The following CNTNAP2 variants were observed in gnomAD, a reference collection of about 807,000 sequenced individuals.
CNTNAP2 encodes the protein contactin-associated protein-like 2.
Under a neutral mutation model 155.2 loss-of-function variants are expected in CNTNAP2, and 98 were observed. That is an observed-to-expected ratio of 0.63 (90% CI 0.54 to 0.75). CNTNAP2 has a LOEUF of 0.75. Ranked by LOEUF, CNTNAP2 falls within the 30% of genes least tolerant of loss-of-function variation. The pLI, the probability that CNTNAP2 is intolerant of heterozygous loss-of-function variation, is 0.00. For synonymous variants in CNTNAP2, 651 were observed against 631.2 expected (o/e 1.03, Z -0.47); for missense variants, 1,727 against 1,688.1 (o/e 1.02, Z -0.40).
intron 8 of CNTNAP2, among the ~76,000 whole-genome samples, chr7:147,184,083 T>G (rs1466357831): frequency 6.6e-6 from 1 of 152,194 alleles, no homozygotes; most frequent in East Asian, 1.9e-4. Flanking sequence ...AAAGAGTGAC[T>G]ATACTTCCCA....
intron 18 of CNTNAP2, among the ~76,000 whole-genome samples, chr7:148,188,738 T>C (rs1795159818): frequency 6.6e-6 from 1 of 152,248 alleles, no homozygotes; most frequent in Admixed American, 6.5e-5. Context: ...AATCAATTTA[T>C]ATTATTATAA....
At chr7:146,646,322 T>TTG (rs143987039) in intron 1 of CNTNAP2, among the ~76,000 whole-genome samples, 1 of 152,030 alleles carries the variant, frequency 6.6e-6, no homozygotes, top group Admixed American at 6.6e-5. Flanking sequence ...GCTCACTAGT[T>TTG]TGTGTGTGTG....
intron 10 of CNTNAP2, 79 bp from the exon 11 acceptor site, chr7:147,485,856 C>T (rs1012644946): frequency 4.4e-6 from 6 of 1,363,372 alleles, no homozygotes; most frequent in African/African-American, 1.4e-5. Flanking sequence ...TGATATATTG[C>T]CCAGACAGCT....
At chr7:146,301,033 A>G (rs1175145858) in intron 1 of CNTNAP2, among the ~76,000 whole-genome samples, 1 of 152,180 alleles carries the variant, frequency 6.6e-6, no homozygotes, top group African/African-American at 2.4e-5. Flanking sequence ...TTAAGGCAAC[A>G]AATACATTAA....
chr7:146,301,263 T>G lies in CNTNAP2; in HGVS notation c.97+184290T>G, dbSNP rs560240065. On this transcript the variant is annotated intron_variant, in intron 1 of 23. Coordinates refer to ENST00000361727, the MANE Select transcript of CNTNAP2 (RefSeq NM_014141.6). ...AATGGACTCAGGATTAATTTGAGAA[T>G]AGAAGAAAAGAAGACTATTCCATAA... Among the ~76,000 whole-genome samples, 307 of 152,268 alleles carry G rather than the reference T, an allele frequency of 2.0e-3. 3 individuals are homozygous for G. The highest frequency in any genetic ancestry group is 6.9e-3 in the African/African-American group (288 of 41,552).
intron 1 of CNTNAP2, among the ~76,000 whole-genome samples, chr7:146,136,469 G>T (rs1797798945): frequency 6.6e-6 from 1 of 152,132 alleles, no homozygotes; most frequent in Admixed American, 6.6e-5. Context: ...GCTGGTTGAG[G>T]TCGGGAAGTC....
At chr7:147,508,645 C>T (rs749110423) in intron 11 of CNTNAP2, among the ~76,000 whole-genome samples, 1 of 152,174 alleles carries the variant, frequency 6.6e-6, no homozygotes, top group Non-Finnish European at 1.5e-5. Context: ...CCCATAATCC[C>T]TGCATGTCAT....
chr7:147,028,503 C>T (rs935431464), intron 3 of CNTNAP2, among the ~76,000 whole-genome samples: 5 of 151,910 alleles, frequency 3.3e-5, no homozygotes, highest in African/African-American at 9.7e-5. Flanking sequence ...ACAGGGGCAC[C>T]GTAGAGGTAT....
At chr7:146,983,897 T>C (rs1283501413) in intron 3 of CNTNAP2, among the ~76,000 whole-genome samples, 1 of 152,242 alleles carries the variant, frequency 6.6e-6, no homozygotes, top group African/African-American at 2.4e-5. Context: ...ATGTTATAAA[T>C]ACCCATGGTG....
chr7:146,683,135 A>C (rs1455799508), intron 1 of CNTNAP2, among the ~76,000 whole-genome samples: 1 of 152,096 alleles, frequency 6.6e-6, no homozygotes, highest in East Asian at 1.9e-4. Context: ...CCAGGTTCAA[A>C]TGATTCTCTT....
Position 148,409,346 on chromosome 7 carries a change from A to T in CNTNAP2, c.3716-45A>T, listed in dbSNP as rs779395496. The T allele has an allele frequency of 2.8e-6, 4 of 1,419,312 alleles. No individual in the cohort carries two copies. In the South Asian group the frequency reaches 3.5e-5, roughly 12 times the overall value. The allele number at this position is 1,419,312 out of a possible 1,614,324, so 87.9% of individuals were successfully genotyped here. The stretch of plus-strand genomic sequence containing the variant: ...AATAGGTATCAAATTATTTGGGATC[A>T]ATAGTATACTTGACTCTGACACTTG... On this transcript the variant is annotated intron_variant, in intron 22 of 23. Coordinates refer to ENST00000361727, the MANE Select transcript of CNTNAP2 (RefSeq NM_014141.6).
At chr7:147,623,002 T>C (rs557112151) in intron 12 of CNTNAP2, among the ~76,000 whole-genome samples, 1 of 152,134 alleles carries the variant, frequency 6.6e-6, no homozygotes, top group South Asian at 2.1e-4. Flanking sequence ...TGCCAATAAA[T>C]TGGTAAATCT....
intron 14 of CNTNAP2, among the ~76,000 whole-genome samples, chr7:147,967,960 G>C (rs888263581): frequency 2.0e-5 from 3 of 152,076 alleles, no homozygotes; most frequent in Non-Finnish European, 2.9e-5. Context: ...TACAAGAAAG[G>C]CTTGTTGTTG....
intron 3 of CNTNAP2, among the ~76,000 whole-genome samples, chr7:146,929,406 C>T (rs550160906): frequency 1.3e-5 from 2 of 152,260 alleles, no homozygotes; most frequent in South Asian, 2.1e-4. Flanking sequence ...AACTAACAAA[C>T]ATAAAGGACA....
intron 11 of CNTNAP2, among the ~76,000 whole-genome samples, chr7:147,556,281 T>C (rs1030181315): frequency 7.9e-5 from 12 of 152,274 alleles, no homozygotes; most frequent in African/African-American, 2.4e-4. Context: ...AATAGAGTCA[T>C]CATTTTTATA....
intron 13 of CNTNAP2, among the ~76,000 whole-genome samples, chr7:147,755,364 G>C (rs2049468): frequency 2.0e-5 from 3 of 152,004 alleles, no homozygotes. Flanking sequence ...ATCCACCAGC[G>C]TTAATAGCAG....
intron 14 of CNTNAP2, among the ~76,000 whole-genome samples, chr7:147,926,096 CAG>C (rs1191698588): frequency 6.6e-6 from 1 of 152,124 alleles, no homozygotes; most frequent in African/African-American, 2.4e-5. Flanking sequence ...TTGTTTAAAT[CAG>C]ATGTAAATGA....
chr7:146,857,110 G>A (rs1012747286), intron 3 of CNTNAP2, among the ~76,000 whole-genome samples: 1 of 152,030 alleles, frequency 6.6e-6, no homozygotes, highest in African/African-American at 2.4e-5. Flanking sequence ...TGTATGAAAT[G>A]TACACTATTT....
chr7:147,249,837 G>A (rs371808979), intron 8 of CNTNAP2, among the ~76,000 whole-genome samples: 13 of 152,054 alleles, frequency 8.5e-5, no homozygotes, highest in East Asian at 1.9e-4. Context: ...TGGAGGCTCC[G>A]TTTCTGAAAA....
Sources: gnomAD v4.1 joint callset for allele counts (sites outside exome capture counted in the v4.1 genomes callset) on GRCh38, gnomAD v4.1.1 for gene constraint, MANE v1.5 for transcripts, NCBI Gene and HGNC (gene_info 2026-07-23, HGNC 2026-07-21) for gene names.